The following CNTN4 variants were observed in gnomAD, a reference collection of about 807,000 sequenced individuals.
The protein encoded by CNTN4 is contactin 4, also known as contactin-4.
CNTN4 carries 77 observed loss-of-function variants against 122.5 expected under a neutral mutation model. That is an observed-to-expected ratio of 0.63 (90% confidence interval 0.52 to 0.76). The LOEUF (loss-of-function observed/expected upper bound fraction) is 0.76, where lower values mean the gene tolerates loss of function less well. Ranked by LOEUF, CNTN4 falls within the 30% of genes least tolerant of loss-of-function variation. The probability of loss-of-function intolerance (pLI) is 0.00; values close to 1 mark genes in which losing one functional copy is unlikely to be tolerated. For missense variants in CNTN4, 1,256 were observed against 1,259.1 expected (o/e 1.00, Z 0.04); for synonymous variants, 512 against 447.0 (o/e 1.15, Z -1.83).
intron 3 of CNTN4, among the ~76,000 whole-genome samples, chr3:2,509,991 A>G (rs1413475516): frequency 6.6e-6 from 1 of 152,198 alleles, no homozygotes; most frequent in Non-Finnish European, 1.5e-5. Flanking sequence ...CAGTTTGTGT[A>G]CAACTAAATA....
chr3:2,498,802 T>G (rs1296914052), intron 3 of CNTN4, among the ~76,000 whole-genome samples: 1 of 152,012 alleles, frequency 6.6e-6, no homozygotes, highest in Admixed American at 6.6e-5. Flanking sequence ...TGGTGCTTTT[T>G]TTTTTGAGAT....
chr3:2,363,186 G>A (rs2045231404), intron 3 of CNTN4, among the ~76,000 whole-genome samples: 1 of 152,100 alleles, frequency 6.6e-6, no homozygotes, highest in Admixed American at 6.5e-5. Context: ...GCACCTTGTG[G>A]TAAAATATTT....
intron 4 of CNTN4, among the ~76,000 whole-genome samples, chr3:2,628,785 C>G (rs1249456540): frequency 6.6e-6 from 1 of 152,194 alleles, no homozygotes; most frequent in Non-Finnish European, 1.5e-5. Flanking sequence ...TAATTCAGAA[C>G]TGGACGTAAC....
chr3:2,563,525 G>A (rs886541683), intron 3 of CNTN4, among the ~76,000 whole-genome samples: 5 of 151,866 alleles, frequency 3.3e-5, no homozygotes, highest in South Asian at 2.1e-4. Flanking sequence ...CTACCATTAC[G>A]TTATCTCCAA....
chr3:2,609,220 G>C (rs1027193434), intron 4 of CNTN4, among the ~76,000 whole-genome samples: 7 of 152,230 alleles, frequency 4.6e-5, no homozygotes, highest in Non-Finnish European at 1.0e-4. Context: ...CTTTTGGAAA[G>C]TTATTAAGTC....
At chr3:2,608,354 G>T (rs2081344984) in intron 4 of CNTN4, among the ~76,000 whole-genome samples, 1 of 152,204 alleles carries the variant, frequency 6.6e-6, no homozygotes, top group Non-Finnish European at 1.5e-5. Context: ...CAGCTACTCA[G>T]GAGGCTGAGG....
At chr3:2,907,570 C>CAAAA (rs34860687) in intron 12 of CNTN4, among the ~76,000 whole-genome samples, 3 of 133,752 alleles carry the variant, frequency 2.2e-5, no homozygotes, top group East Asian at 2.2e-4. Context: ...GAGACTGTCT[C>CAAAA]AAAAAAAAAA....
intron 4 of CNTN4, among the ~76,000 whole-genome samples, chr3:2,677,207 A>T (rs1193917288): frequency 6.7e-6 from 1 of 150,152 alleles, no homozygotes; most frequent in African/African-American, 2.4e-5. Flanking sequence ...CTCTCTATAT[A>T]TGTATATATA....
chr3:2,319,024 C>T (rs1188059034), intron 2 of CNTN4, among the ~76,000 whole-genome samples: 1 of 152,112 alleles, frequency 6.6e-6, no homozygotes, highest in African/African-American at 2.4e-5. Context: ...ATTCCCTCTT[C>T]TAATAAAATT....
chr3:2,241,614 G>A (rs1345515762), intron 2 of CNTN4, among the ~76,000 whole-genome samples: 1 of 152,076 alleles, frequency 6.6e-6, no homozygotes, highest in Non-Finnish European at 1.5e-5. Flanking sequence ...CTTTACTCAA[G>A]GTCACTACCG....
At chr3:2,265,760 A>T (rs1003279287) in intron 2 of CNTN4, among the ~76,000 whole-genome samples, 7 of 103,386 alleles carry the variant, frequency 6.8e-5, no homozygotes, top group Non-Finnish European at 9.1e-5. Flanking sequence ...TTTTATATAT[A>T]TATATTTTTT....
intron 2 of CNTN4, among the ~76,000 whole-genome samples, chr3:2,196,693 G>A (rs981040039): frequency 1.4e-4 from 21 of 152,074 alleles, no homozygotes; most frequent in African/African-American, 3.9e-4. Flanking sequence ...TGTGTTATGT[G>A]TGAATCACTC....
intron 6 of CNTN4, among the ~76,000 whole-genome samples, chr3:2,751,538 G>A (rs1222859195): frequency 6.6e-6 from 1 of 152,102 alleles, no homozygotes; most frequent in African/African-American, 2.4e-5. Flanking sequence ...ACTTCAAAAA[G>A]TTCTTCCATA....
chr3:2,943,599 T>C (rs564011565), intron 13 of CNTN4, among the ~76,000 whole-genome samples: 75 of 143,798 alleles, frequency 5.2e-4, no homozygotes, highest in African/African-American at 1.8e-3. Flanking sequence ...AATATATAAA[T>C]ATATAAATAT....
intron 7 of CNTN4, among the ~76,000 whole-genome samples, chr3:2,823,944 C>T (rs1389814453): frequency 6.6e-6 from 1 of 152,112 alleles, no homozygotes; most frequent in Non-Finnish European, 1.5e-5. Flanking sequence ...TGAATTGGAA[C>T]TTGCATTTTA....
chr3:2,262,068 C>A (rs752039565), intron 2 of CNTN4, among the ~76,000 whole-genome samples: 31 of 151,928 alleles, frequency 2.0e-4, no homozygotes, highest in Non-Finnish European at 3.7e-4. Context: ...TGTTCTTATT[C>A]CCTGTATGTT....
At chr3:2,890,759 G>A (rs1389883695) in intron 10 of CNTN4, among the ~76,000 whole-genome samples, 1 of 152,066 alleles carries the variant, frequency 6.6e-6, no homozygotes, top group African/African-American at 2.4e-5. Context: ...CTCATGTTTG[G>A]TATGTATGAA....
intron 3 of CNTN4, among the ~76,000 whole-genome samples, chr3:2,546,007 C>A (rs965312479): frequency 6.6e-6 from 1 of 151,866 alleles, no homozygotes. Context: ...ATGAAAAAGT[C>A]AAAAAATAAC....
intron 8 of CNTN4, among the ~76,000 whole-genome samples, chr3:2,867,390 A>G (rs2093735962): frequency 6.6e-6 from 1 of 152,350 alleles, no homozygotes; most frequent in Middle Eastern, 3.4e-3. Flanking sequence ...AAATGTAGAC[A>G]TAACAAGGCT....
Sources: allele counts gnomAD v4.1 joint callset (sites outside exome capture counted in the v4.1 genomes callset), GRCh38; gene constraint gnomAD v4.1.1; transcripts MANE v1.5; gene names NCBI Gene and HGNC (gene_info 2026-07-23, HGNC 2026-07-21).